Variants in CALN1 observed in about 807,000 individuals in gnomAD.
CALN1 encodes the protein calcium-binding protein 8.
In CALN1, 17 loss-of-function variants were observed where a neutral mutation model predicts 30.6. That is an observed-to-expected ratio of 0.56 (90% CI 0.38 to 0.83). The LOEUF (loss-of-function observed/expected upper bound fraction) is 0.83, where lower values mean the gene tolerates loss of function less well. Ranked by LOEUF, CALN1 falls within the 40% of genes least tolerant of loss-of-function variation. The pLI, the probability that CALN1 is intolerant of heterozygous loss-of-function variation, is 0.00. For missense variants in CALN1, 291 were observed against 354.9 expected (o/e 0.82, Z 1.45); for synonymous variants, 156 against 131.4 (o/e 1.19, Z -1.28).
intron 4 of CALN1, among the ~76,000 whole-genome samples, chr7:72,096,441 G>C (rs1482247316): frequency 6.6e-6 from 1 of 152,068 alleles, no homozygotes; most frequent in Non-Finnish European, 1.5e-5. Context: ...TTTTAACCAA[G>C]GGTCCCCCCG....
At chr7:72,171,109 G>GAC (rs1396105324) in intron 3 of CALN1, among the ~76,000 whole-genome samples, 1 of 152,134 alleles carries the variant, frequency 6.6e-6, no homozygotes, top group African/African-American at 2.4e-5. Context: ...CAGTGAGCCA[G>GAC]ACTGCACCAC....
intron 5 of CALN1, among the ~76,000 whole-genome samples, chr7:71,881,308 C>A (rs576367634): frequency 2.4e-4 from 36 of 152,242 alleles, no homozygotes; most frequent in African/African-American, 7.9e-4. Context: ...TGTGGGACTT[C>A]ACCTTGTGAT....
At chr7:72,266,604 TTG>T (rs1186069258) in intron 3 of CALN1, among the ~76,000 whole-genome samples, 11 of 152,292 alleles carry the variant, frequency 7.2e-5, no homozygotes, top group Middle Eastern at 3.4e-3. Flanking sequence ...GCCTTTGCAG[TTG>T]TGTTTTTTCT....
chr7:72,150,588 G>T (rs1335981568), intron 3 of CALN1, among the ~76,000 whole-genome samples: 1 of 152,200 alleles, frequency 6.6e-6, no homozygotes, highest in Non-Finnish European at 1.5e-5. Context: ...GAGCTGCCTA[G>T]GCAGGGAACA....
chr7:71,803,911 G>A (rs1056710317), intron 6 of CALN1, among the ~76,000 whole-genome samples: 62 of 151,078 alleles, frequency 4.1e-4, no homozygotes, highest in African/African-American at 1.3e-3. Flanking sequence ...AAGGCAGACT[G>A]GCTAACTGGA....
the CALN1 span, among the ~76,000 whole-genome samples, chr7:72,502,900 C>T: frequency 6.6e-6 from 1 of 152,144 alleles, no homozygotes; most frequent in East Asian, 1.9e-4. Flanking sequence ...CACCTGTAAT[C>T]CCGGCACTTT....
At chr7:72,058,190 C>T (rs1198126384) in intron 4 of CALN1, among the ~76,000 whole-genome samples, 3 of 152,040 alleles carry the variant, frequency 2.0e-5, no homozygotes, top group African/African-American at 7.2e-5. Flanking sequence ...CAGATGAGAC[C>T]CTGGATGATC....
At chr7:72,014,235 C>T (rs1014314484) in intron 5 of CALN1, among the ~76,000 whole-genome samples, 9 of 151,754 alleles carry the variant, frequency 5.9e-5, no homozygotes, top group African/African-American at 1.7e-4. Context: ...TACAGATGTG[C>T]GCCACCACGC....
At chr7:72,308,291 G>T (rs1029660824) in intron 2 of CALN1, among the ~76,000 whole-genome samples, 1 of 149,418 alleles carries the variant, frequency 6.7e-6, no homozygotes, top group Non-Finnish European at 1.5e-5. Flanking sequence ...TTGAACCAGG[G>T]AGAAGGAGGT....
At chr7:72,040,921 G>T (rs1261486355) in intron 4 of CALN1, among the ~76,000 whole-genome samples, 1 of 152,212 alleles carries the variant, frequency 6.6e-6, no homozygotes, top group Non-Finnish European at 1.5e-5. Flanking sequence ...GAAGCCACCA[G>T]GTCTGTGGTA....
At chr7:72,369,194 G>A (rs1270392906) in intron 2 of CALN1, among the ~76,000 whole-genome samples, 3 of 151,474 alleles carry the variant, frequency 2.0e-5, no homozygotes, top group African/African-American at 7.3e-5. Flanking sequence ...CAATTTATAA[G>A]TTGATAAGTT....
chr7:72,304,704 G>A (rs1053775658), intron 2 of CALN1, among the ~76,000 whole-genome samples: 2 of 151,934 alleles, frequency 1.3e-5, no homozygotes, highest in Admixed American at 6.6e-5. Context: ...CCTATGTAGG[G>A]CATAATCACA....
chr7:72,444,964 G>A (rs562203895), intron 1 of CALN1, among the ~76,000 whole-genome samples: 3 of 151,308 alleles, frequency 2.0e-5, no homozygotes, highest in East Asian at 1.9e-4. Context: ...AAATGTCAAC[G>A]GAACACAGAA....
chr7:72,395,280 C>G (rs972078278), intron 2 of CALN1, among the ~76,000 whole-genome samples: 2 of 151,954 alleles, frequency 1.3e-5, no homozygotes, highest in Non-Finnish European at 2.9e-5. Flanking sequence ...AGGCATGTCC[C>G]CGGGAGAGAA....
At chr7:72,448,031 C>T (rs1777283305), upstream of CALN1, among the ~76,000 whole-genome samples, 1 of 151,604 alleles carries the variant, frequency 6.6e-6, no homozygotes, top group Non-Finnish European at 1.5e-5. Context: ...CATGCCCGCT[C>T]AGGTTCACAC....
At chr7:72,434,521 AAGAAGG>A (rs200458612) in intron 1 of CALN1, among the ~76,000 whole-genome samples, 2,250 of 151,348 alleles carry the variant, frequency 0.015, 18 homozygotes, top group African/African-American at 0.016. Context: ...ACTCCATCAG[AAGAAGG>A]AGAAGGAGAA....
At chr7:72,394,662 CTTTTTT>C (rs11313018) in intron 2 of CALN1, among the ~76,000 whole-genome samples, 3 of 126,070 alleles carry the variant, frequency 2.4e-5, no homozygotes, top group Non-Finnish European at 5.1e-5. Flanking sequence ...GTACCATTGA[CTTTTTT>C]TTTTTTTTTT....
chr7:72,086,505 C>T lies in CALN1; in HGVS notation c.388+19646G>A, dbSNP rs539256639. 3.3e-5 allele frequency among the ~76,000 whole-genome samples: 5 copies of T among 152,270 alleles called. No homozygotes were observed. In the East Asian group the frequency reaches 9.7e-4, roughly 29 times the overall value. On this transcript the variant is annotated intron_variant, in intron 4 of 6. Coordinates refer to ENST00000395275, the MANE Select transcript of CALN1 (RefSeq NM_031468.4). ...CTGGAGTGCAATGGCATGATCTTGG[C>T]TCACAGCAACCTCTGCCTCTGGAGT... is the stretch of plus-strand genomic sequence containing the variant.
At chr7:72,254,681 C>G (rs762203267) in intron 3 of CALN1, among the ~76,000 whole-genome samples, 2 of 151,910 alleles carry the variant, frequency 1.3e-5, no homozygotes, top group Non-Finnish European at 2.9e-5. Flanking sequence ...GTTATGAGCT[C>G]TTAGTCATAA....
Sources: allele counts gnomAD v4.1 joint callset (sites outside exome capture counted in the v4.1 genomes callset), GRCh38; gene constraint gnomAD v4.1.1; transcripts MANE v1.5; gene names NCBI Gene and HGNC (gene_info 2026-07-23, HGNC 2026-07-21).